DNAJC5B: variants seen among roughly 807,000 people sequenced by gnomAD.
The protein encoded by DNAJC5B is dnaJ homolog subfamily C member 5B.
In DNAJC5B, 23 loss-of-function variants were observed where a neutral mutation model predicts 24.7. The observed-to-expected ratio is 0.93, with a 90% CI of 0.67 to 1.32. The LOEUF (loss-of-function observed/expected upper bound fraction) is 1.32, where lower values mean the gene tolerates loss of function less well. Among genes scored for constraint, DNAJC5B ranks in the 40% most tolerant of loss-of-function variants. The pLI is 0.00. For synonymous variants in DNAJC5B, 101 were observed against 90.1 expected (o/e 1.12, Z -0.68); for missense variants, 238 against 240.8 (o/e 0.99, Z 0.08).
intron 5 of DNAJC5B, among the ~76,000 whole-genome samples, chr8:66,081,096 G>A (rs1203291699): frequency 6.6e-6 from 1 of 152,144 alleles, no homozygotes; most frequent in Non-Finnish European, 1.5e-5. Context: ...CAGCATCAAG[G>A]ATGGGACTAT....
chr8:66,062,214 C>T (rs541408800), intron 3 of DNAJC5B, among the ~76,000 whole-genome samples: 12 of 152,320 alleles, frequency 7.9e-5, no homozygotes, highest in Middle Eastern at 6.8e-3. Flanking sequence ...GTTTTCTCCT[C>T]GATTATAGTC....
intron 5 of DNAJC5B, 39 bp from the exon 6 acceptor site, chr8:66,099,898 T>C: frequency 6.3e-7 from 1 of 1,574,826 alleles, no homozygotes; most frequent in Non-Finnish European, 8.7e-7. Flanking sequence ...AACTGTAACA[T>C]GATGAGAGTG....
chr8:66,051,745 A>G, intron 3 of DNAJC5B, 79 bp downstream of exon 3: 15 of 1,109,804 alleles, frequency 1.4e-5, no homozygotes, highest in Non-Finnish European at 1.3e-5. Flanking sequence ...TTAAAGACAT[A>G]AGCTTCTCAC....
At chr8:66,049,484 T>C (rs1806798586) in intron 2 of DNAJC5B, among the ~76,000 whole-genome samples, 1 of 152,214 alleles carries the variant, frequency 6.6e-6, no homozygotes, top group South Asian at 2.1e-4. Context: ...CCTACAATAC[T>C]CAGTACAGTA....
intron 3 of DNAJC5B, among the ~76,000 whole-genome samples, chr8:66,055,652 A>G (rs908620488): frequency 1.3e-5 from 2 of 152,190 alleles, no homozygotes; most frequent in Non-Finnish European, 2.9e-5. Context: ...AAATAAGCAT[A>G]TATAGACCAG....
intron 1 of DNAJC5B, among the ~76,000 whole-genome samples, chr8:66,030,045 A>G (rs1047096393): frequency 6.6e-5 from 10 of 152,132 alleles, no homozygotes; most frequent in Non-Finnish European, 1.5e-4. Context: ...TCTTCCTGTT[A>G]TGTTTTCTAA....
intron 3 of DNAJC5B, among the ~76,000 whole-genome samples, chr8:66,066,711 G>A (rs576681186): frequency 5.1e-4 from 77 of 152,072 alleles, no homozygotes; most frequent in South Asian, 5.0e-3. Context: ...AAGGGACTTC[G>A]GAGACTCAGA....
intron 5 of DNAJC5B, among the ~76,000 whole-genome samples, chr8:66,084,239 A>C (rs1807669428): frequency 6.6e-6 from 1 of 152,174 alleles, no homozygotes; most frequent in South Asian, 2.1e-4. Context: ...TCTGCTCTGC[A>C]AAAGAAGGGG....
At chr8:66,020,162 TA>T (rs1406688267), upstream of DNAJC5B, among the ~76,000 whole-genome samples, 2 of 152,348 alleles carry the variant, frequency 1.3e-5, no homozygotes, top group Admixed American at 6.5e-5. Context: ...TAATGTTAAG[TA>T]ACCTTTCCAC....
intron 3 of DNAJC5B, among the ~76,000 whole-genome samples, chr8:66,066,748 A>G (rs1035834614): frequency 1.3e-5 from 2 of 152,182 alleles, no homozygotes; most frequent in Non-Finnish European, 2.9e-5. Flanking sequence ...GGGGTGAAGG[A>G]TAAAAAACTA....
At chr8:66,030,182 A>G (rs1806329865) in intron 1 of DNAJC5B, among the ~76,000 whole-genome samples, 1 of 152,110 alleles carries the variant, frequency 6.6e-6, no homozygotes, top group Non-Finnish European at 1.5e-5. Context: ...CAGCCGGGTT[A>G]TTTGATAGAC....
intron 1 of DNAJC5B, among the ~76,000 whole-genome samples, chr8:66,032,595 G>A (rs549640463): frequency 3.7e-4 from 57 of 152,288 alleles, no homozygotes; most frequent in African/African-American, 1.3e-3. Context: ...GCCACCAAGA[G>A]TGCCCTAGGT....
intron 1 of DNAJC5B, among the ~76,000 whole-genome samples, chr8:66,042,959 T>C (rs949760434): frequency 6.6e-6 from 1 of 151,954 alleles, no homozygotes; most frequent in African/African-American, 2.4e-5. Flanking sequence ...ACCTGTCTCA[T>C]GTAAAACTTT....
At chr8:66,044,232 T>C (rs566913025) in intron 2 of DNAJC5B, among the ~76,000 whole-genome samples, 3 of 152,302 alleles carry the variant, frequency 2.0e-5, no homozygotes, top group Non-Finnish European at 2.9e-5. Context: ...TTTGGGCTTA[T>C]GGGAATTTTG....
rs539207873 is a variant in DNAJC5B, at chr8:66,032,711, C to T, written c.-141-10777C>T. 8.7e-4 allele frequency among the ~76,000 whole-genome samples: 133 copies of T among 152,218 alleles called. 2 individuals carry two copies. Among genetic ancestry groups the T allele is most frequent in the Non-Finnish European group, 1.7e-3 (113 of 68,030 alleles). On this transcript the variant is annotated intron_variant, in intron 1 of 5. Transcript: ENST00000276570. ...GCATGAATCAATGATTCCGCAGGTG[C>T]GTGCTGCCTGCTGATTCACCCACGA... is the stretch of plus-strand genomic sequence containing the variant.
chr8:66,084,575 C>T lies in DNAJC5B; in HGVS notation c.505+4027C>T, dbSNP rs368397100. ...TCTAGGCAGCTGCTCAGTTGAAAGC[C>T]GCCTGTGGTGGGGAGGTTTAGGACT... is the stretch of plus-strand genomic sequence containing the variant. On this transcript the variant is annotated intron_variant, in intron 5 of 5. Coordinates refer to ENST00000276570, the MANE Select transcript of DNAJC5B (RefSeq NM_033105.6). Among the ~76,000 whole-genome samples the T allele has an allele frequency of 1.3e-4, 20 of 152,206 alleles. No individual in the cohort carries two copies. The East Asian group carries it at 3.5e-3, about 26-fold the overall frequency.
chr8:66,096,048 A>C (rs541126525), intron 5 of DNAJC5B, among the ~76,000 whole-genome samples: 34 of 152,310 alleles, frequency 2.2e-4, no homozygotes, highest in African/African-American at 8.2e-4. Flanking sequence ...TTGCTAAGGC[A>C]GCCATAACAA....
At chr8:66,093,849 T>G (rs936858199) in intron 5 of DNAJC5B, among the ~76,000 whole-genome samples, 1 of 152,132 alleles carries the variant, frequency 6.6e-6, no homozygotes, top group Non-Finnish European at 1.5e-5. Context: ...GTTTTATAGT[T>G]TTGCCTTTTC....
intron 4 of DNAJC5B, 21 bp downstream of exon 4, chr8:66,076,894 T>C (rs753610435): frequency 1.2e-6 from 2 of 1,612,850 alleles, no homozygotes; most frequent in East Asian, 4.5e-5. Flanking sequence ...ATTTCCTTTC[T>C]TCACAATCTC....
Sources: gnomAD v4.1 joint callset for allele counts (sites outside exome capture counted in the v4.1 genomes callset) on GRCh38, gnomAD v4.1.1 for gene constraint, MANE v1.5 for transcripts, NCBI Gene and HGNC (gene_info 2026-07-23, HGNC 2026-07-21) for gene names.